The following ACACA variants were observed in gnomAD, a reference collection of about 807,000 sequenced individuals.
ACACA encodes acetyl-CoA carboxylase 1.
ACACA carries 103 observed loss-of-function variants against 296.1 expected under a neutral mutation model. That is an observed-to-expected ratio of 0.35 (90% CI 0.30 to 0.41). The LOEUF (loss-of-function observed/expected upper bound fraction) is 0.41. Ranked by LOEUF, ACACA falls within the 10% of genes least tolerant of loss-of-function variation. The probability of loss-of-function intolerance (pLI) is 1.00; values close to 1 mark genes in which losing one functional copy is unlikely to be tolerated. For missense variants in ACACA, 1,554 were observed against 2,989.7 expected (o/e 0.52, Z 11.20); for synonymous variants, 953 against 1,038.6 (o/e 0.92, Z 1.58).
chr17:37,360,176 G>C (rs2049349690), intron 1 of ACACA: 1 of 152,092 alleles, frequency 6.6e-6, no homozygotes, highest in African/African-American at 2.4e-5. Flanking sequence ...GAAGAAACTT[G>C]GAGAAAATTG....
intron 3 of ACACA, among the ~76,000 whole-genome samples, chr17:37,309,397 A>G (rs2084029014): frequency 6.6e-6 from 1 of 152,202 alleles, no homozygotes; most frequent in African/African-American, 2.4e-5. Flanking sequence ...AACAAAATAT[A>G]TGGCTTCTGT....
chr17:37,296,466 C>T (rs909114100), intron 3 of ACACA, among the ~76,000 whole-genome samples: 4 of 151,950 alleles, frequency 2.6e-5, no homozygotes, highest in Middle Eastern at 3.4e-3. Context: ...CCACCACGCC[C>T]GGCTAATTTT....
chr17:37,085,193 C>A lies in ACACA; in HGVS notation c.*2123G>T, dbSNP rs1039177015. On this transcript the variant is annotated 3_prime_UTR_variant, in exon 56 of 56. Coordinates refer to ENST00000616317, the MANE Select transcript of ACACA (RefSeq NM_198834.3). ...TTTATACTCCTCCTGCCTTAGTAGCCTTGCATGTTTGAGGGGCTGTGGGAA... is the reference window on the plus strand; with the variant it reads ...TTTATACTCCTCCTGCCTTAGTAGCATTGCATGTTTGAGGGGCTGTGGGAA... 6 of 160,118 alleles carry A rather than the reference C, an allele frequency of 3.7e-5. No homozygotes were observed. The highest frequency in any genetic ancestry group is 1.9e-4 in the Admixed American group (3 of 15,494). 9.9% of individuals were successfully genotyped at this position (160,118 alleles called of 1,614,324 possible).
chr17:37,291,548 T>C, intron 3 of ACACA, among the ~76,000 whole-genome samples: 1 of 152,160 alleles, frequency 6.6e-6, no homozygotes, highest in East Asian at 1.9e-4. Context: ...TTGGGCCTCA[T>C]CCAAAGCTGT....
At chr17:37,288,598 AT>A (rs1436823891) in intron 3 of ACACA, among the ~76,000 whole-genome samples, 1 of 152,180 alleles carries the variant, frequency 6.6e-6, no homozygotes, top group Admixed American at 6.5e-5. Context: ...AAACTACATA[AT>A]TTTAAAAGGT....
At chr17:37,290,094 C>T (rs2082974705) in intron 3 of ACACA, among the ~76,000 whole-genome samples, 1 of 152,120 alleles carries the variant, frequency 6.6e-6, no homozygotes, top group Non-Finnish European at 1.5e-5. Context: ...GTCACCCAGG[C>T]TGGAGTGCAG....
At chr17:37,244,112 C>T (rs1294004479) in intron 21 of ACACA, among the ~76,000 whole-genome samples, 1 of 151,950 alleles carries the variant, frequency 6.6e-6, no homozygotes, top group African/African-American at 2.4e-5. Context: ...CCTATAATCC[C>T]AGCACTTTGG....
At chr17:37,292,594 A>C (rs550131982) in intron 3 of ACACA, among the ~76,000 whole-genome samples, 1 of 152,368 alleles carries the variant, frequency 6.6e-6, no homozygotes, top group Non-Finnish European at 1.5e-5. Context: ...GGTGGCTCAC[A>C]TCTGTAATCC....
chr17:37,280,707 T>C (rs1304113645), intron 5 of ACACA, among the ~76,000 whole-genome samples: 1 of 149,482 alleles, frequency 6.7e-6, no homozygotes, highest in East Asian at 2.0e-4. Flanking sequence ...GGATTCATTA[T>C]ACTCTTCAAC....
chr17:37,266,676 A>T (rs1228684083), intron 10 of ACACA, among the ~76,000 whole-genome samples: 2 of 152,112 alleles, frequency 1.3e-5, no homozygotes, highest in African/African-American at 2.4e-5. Flanking sequence ...TGGGTCCTTT[A>T]CATTTCTGTA....
intron 14 of ACACA, among the ~76,000 whole-genome samples, chr17:37,257,090 GAAT>G (rs1555618317): frequency 6.6e-6 from 1 of 152,098 alleles, no homozygotes; most frequent in Non-Finnish European, 1.5e-5. Context: ...ATGATTAACA[GAAT>G]ATTATCTAAC....
At position 37,255,939 on chromosome 17, in the gene ACACA, G is replaced by A. The variant is rs1053062056; in HGVS notation, c.1826+1764C>T. 7.2e-5 allele frequency among the ~76,000 whole-genome samples: 11 copies of A among 152,128 alleles called. 1 individual carries two copies. The highest frequency in any genetic ancestry group is 5.9e-4 in the Admixed American group (9 of 15,282). On this transcript the variant is annotated intron_variant, in intron 14 of 55. Transcript: ENST00000616317. ...TTTTTGTATTTTTAGCAGAGACGGG[G>A]TTTTACCATGTTGGCGAAGTTGGTC...
intron 2 of ACACA, among the ~76,000 whole-genome samples, chr17:37,333,630 T>A (rs1474534545): frequency 6.6e-6 from 1 of 151,768 alleles, no homozygotes; most frequent in African/African-American, 2.4e-5. Context: ...CACCAAACCC[T>A]TCACTTAGGT....
chr17:37,103,101 G>A (rs193163600), intron 52 of ACACA, among the ~76,000 whole-genome samples: 1 of 152,308 alleles, frequency 6.6e-6, no homozygotes. Context: ...AAAATAAAAG[G>A]CTGCTATTAA....
rs145790534 is a variant in ACACA at position 37,392,184 on chromosome 17, G to C, written c.38+14078C>G. 105 of 164,074 alleles carry C rather than the reference G, an allele frequency of 6.4e-4. 2 individuals are homozygous for C. In the East Asian group the frequency reaches 0.017, roughly 26 times the overall value. The allele number at this position is 164,074 out of a possible 1,614,324, so 10.2% of individuals were successfully genotyped here. On this transcript the variant is annotated intron_variant, in intron 1 of 55. Coordinates refer to ENST00000616317, the MANE Select transcript of ACACA (RefSeq NM_198834.3). ...CCCTGGTTGACGTTTATAAGGTTTT[G>C]TAATTTAGCTTCTGGTACTACATGT...
intron 3 of ACACA, among the ~76,000 whole-genome samples, chr17:37,305,666 T>C (rs1362486895): frequency 5.9e-5 from 9 of 152,194 alleles, no homozygotes; most frequent in Admixed American, 6.5e-5. Flanking sequence ...CCTGTGCCAC[T>C]CACCCACTGC....
chr17:37,373,494 C>T (rs1159276553), intron 1 of ACACA, among the ~76,000 whole-genome samples: 1 of 151,990 alleles, frequency 6.6e-6, no homozygotes, highest in Non-Finnish European at 1.5e-5. Context: ...TGTCCACCCG[C>T]CTTGGCCTCC....
intron 26 of ACACA, chr17:37,225,637 C>G (rs2145716481): frequency 5.7e-6 from 1 of 174,006 alleles, no homozygotes; most frequent in African/African-American, 2.4e-5. Flanking sequence ...AGCAGTGTCA[C>G]AAACAAACAA....
chr17:37,173,767 T>G (rs931562661), intron 41 of ACACA, among the ~76,000 whole-genome samples: 1 of 149,862 alleles, frequency 6.7e-6, no homozygotes, highest in African/African-American at 2.4e-5. Context: ...ATTTCACCCC[T>G]GAGAACATAA....
Sources: gnomAD v4.1 joint callset for allele counts (sites outside exome capture counted in the v4.1 genomes callset) on GRCh38, gnomAD v4.1.1 for gene constraint, MANE v1.5 for transcripts, NCBI Gene and HGNC (gene_info 2026-07-23, HGNC 2026-07-21) for gene names.